The following AKAP6 variants were observed in gnomAD, a reference collection of about 807,000 sequenced individuals.
The protein encoded by AKAP6 is A-kinase anchor protein 6.
Under a neutral mutation model 188.5 loss-of-function variants are expected in AKAP6, and 58 were observed. The observed-to-expected ratio is 0.31, with a 90% confidence interval of 0.25 to 0.38. The LOEUF (loss-of-function observed/expected upper bound fraction) is 0.38, where lower values mean the gene tolerates loss of function less well. Ranked by LOEUF, AKAP6 falls within the 10% of genes least tolerant of loss-of-function variation. AKAP6 has a pLI of 1.00. For synonymous variants in AKAP6, 989 were observed against 998.6 expected (o/e 0.99, Z 0.18); for missense variants, 2,710 against 2,740.0 (o/e 0.99, Z 0.24).
intron 7 of AKAP6, among the ~76,000 whole-genome samples, chr14:32,662,672 C>T (rs538980368): frequency 6.6e-6 from 1 of 152,184 alleles, no homozygotes; most frequent in Admixed American, 6.5e-5. Flanking sequence ...GTGGTGATGG[C>T]CAGACACAGT....
rs1022484740 is a variant in AKAP6, at chr14:32,833,228, T to C, written c.*3423T>C. 1 of 152,206 alleles carries C rather than the reference T, an allele frequency of 6.6e-6. No homozygotes were observed. The highest frequency in any genetic ancestry group is 2.4e-5 in the African/African-American group (1 of 41,446). 9.4% of individuals were successfully genotyped at this position (152,206 alleles called of 1,614,324 possible). On this transcript the variant is annotated 3_prime_UTR_variant, in exon 14 of 14. Transcript: ENST00000280979. ...TTAAATGGCTACCTATGTGAGGCACTATATTTGGCATTAGGTATATAAAGG... is the reference window on the plus strand; with the variant it reads ...TTAAATGGCTACCTATGTGAGGCACCATATTTGGCATTAGGTATATAAAGG...
At chr14:32,821,254 A>C (rs1439099683) in intron 12 of AKAP6, 148 bp from the exon 13 acceptor site, 23 of 724,838 alleles carry the variant, frequency 3.2e-5, no homozygotes, top group Non-Finnish European at 4.4e-5. Context: ...TATTTCAGAG[A>C]GGAATAGAGT....
intron 3 of AKAP6, among the ~76,000 whole-genome samples, chr14:32,544,808 G>T (rs910603246): frequency 6.6e-6 from 1 of 152,098 alleles, no homozygotes; most frequent in African/African-American, 2.4e-5. Context: ...AGCCACTGTG[G>T]TAGGTACTGG....
chr14:32,459,153 T>C (rs1199325285), intron 2 of AKAP6, among the ~76,000 whole-genome samples: 1 of 152,140 alleles, frequency 6.6e-6, no homozygotes, highest in African/African-American at 2.4e-5. Flanking sequence ...GGAGTTCAAT[T>C]AGATGACATT....
intron 9 of AKAP6, among the ~76,000 whole-genome samples, chr14:32,701,166 G>T (rs1239483382): frequency 6.6e-6 from 1 of 151,616 alleles, no homozygotes; most frequent in Non-Finnish European, 1.5e-5. Context: ...ATGAATTTGG[G>T]GTTATTTATA....
chr14:32,482,612 G>T (rs1320024152), intron 2 of AKAP6, among the ~76,000 whole-genome samples: 1 of 152,106 alleles, frequency 6.6e-6, no homozygotes, highest in East Asian at 1.9e-4. Flanking sequence ...TTTGTTCTCT[G>T]CTGTATTCCA....
At chr14:32,784,665 C>T (rs960730266) in intron 12 of AKAP6, among the ~76,000 whole-genome samples, 1 of 152,214 alleles carries the variant, frequency 6.6e-6, no homozygotes, top group East Asian at 1.9e-4. Flanking sequence ...TGCTGTGTTA[C>T]CACTTTTAAT....
chr14:32,831,042 T>G lies in AKAP6; in HGVS notation c.*1237T>G, dbSNP rs924656967. 6.6e-6 allele frequency: 1 copy of G among 152,194 alleles called. No homozygotes were observed. Among genetic ancestry groups the G allele is most frequent in the African/African-American group, 2.4e-5 (1 of 41,456 alleles). The allele number at this position is 152,194 out of a possible 1,614,324, so 9.4% of individuals were successfully genotyped here. On this transcript the variant is annotated 3_prime_UTR_variant, in exon 14 of 14. Transcript: ENST00000280979. ...TCAGTTCCCCTAAACCAATAAACAT[T>G]TATACTAGATTTTTTATTTCCACTT... is the stretch of plus-strand genomic sequence containing the variant.
At chr14:32,567,602 T>C (rs1406115365) in intron 4 of AKAP6, among the ~76,000 whole-genome samples, 1 of 152,140 alleles carries the variant, frequency 6.6e-6, no homozygotes, top group African/African-American at 2.4e-5. Context: ...CTGGAGGAAA[T>C]TTAGAGTACT....
intron 5 of AKAP6, among the ~76,000 whole-genome samples, chr14:32,596,171 G>A (rs1885694717): frequency 6.6e-6 from 1 of 152,128 alleles, no homozygotes; most frequent in Non-Finnish European, 1.5e-5. Context: ...GCTTTTGAAT[G>A]TGCTTATGAT....
intron 2 of AKAP6, among the ~76,000 whole-genome samples, chr14:32,502,835 C>T (rs950834573): frequency 6.6e-6 from 1 of 152,068 alleles, no homozygotes; most frequent in African/African-American, 2.4e-5. Context: ...ATGTACCATA[C>T]TGATGAACAT....
intron 11 of AKAP6, among the ~76,000 whole-genome samples, chr14:32,745,742 G>T (rs1319549507): frequency 2.0e-5 from 3 of 152,182 alleles, no homozygotes; most frequent in Non-Finnish European, 4.4e-5. Context: ...CTACCTGTGT[G>T]CTTCCCTTCA....
At chr14:32,448,280 C>T (rs776409554) in intron 2 of AKAP6, among the ~76,000 whole-genome samples, 11 of 152,174 alleles carry the variant, frequency 7.2e-5, no homozygotes, top group Admixed American at 1.3e-4. Context: ...TAACCAAGTA[C>T]ACCCTAAGCA....
At chr14:32,616,310 C>A (rs957644980) in intron 7 of AKAP6, among the ~76,000 whole-genome samples, 7 of 152,242 alleles carry the variant, frequency 4.6e-5, no homozygotes, top group African/African-American at 1.7e-4. Context: ...TGTGTATGTT[C>A]ACTGCAGCAC....
intron 2 of AKAP6, among the ~76,000 whole-genome samples, chr14:32,446,245 A>T (rs1166857112): frequency 1.3e-5 from 2 of 152,234 alleles, no homozygotes; most frequent in Non-Finnish European, 2.9e-5. Flanking sequence ...TTTGTTAAAT[A>T]CCATATGGAC....
intron 11 of AKAP6, among the ~76,000 whole-genome samples, chr14:32,763,807 C>T (rs1340242350): frequency 1.3e-5 from 2 of 152,072 alleles, no homozygotes; most frequent in Admixed American, 6.6e-5. Context: ...TATTGGCTGA[C>T]GTTGTCTTTT....
chr14:32,750,198 AT>A (rs1364042850), intron 11 of AKAP6, among the ~76,000 whole-genome samples: 10 of 152,034 alleles, frequency 6.6e-5, no homozygotes, highest in East Asian at 1.9e-4. Flanking sequence ...AATTGGAAGG[AT>A]TTTTTTTAAT....
At chr14:32,355,143 G>A (rs753424924) in intron 1 of AKAP6, among the ~76,000 whole-genome samples, 6 of 151,864 alleles carry the variant, frequency 4.0e-5, no homozygotes, top group Admixed American at 6.6e-5. Context: ...TTCTTTTTAC[G>A]TACCTTAGAT....
chr14:32,333,357 A>C (rs3784168), intron 1 of AKAP6, among the ~76,000 whole-genome samples: 4,844 of 152,260 alleles, frequency 0.032, 99 homozygotes, highest in South Asian at 0.05. Flanking sequence ...ATTCAATTCA[A>C]TTCAATAAAT....
Sources: allele counts gnomAD v4.1 joint callset (sites outside exome capture counted in the v4.1 genomes callset), GRCh38; gene constraint gnomAD v4.1.1; transcripts MANE v1.5; gene names NCBI Gene and HGNC (gene_info 2026-07-23, HGNC 2026-07-21).